Variants in ENOX1 observed in about 807,000 individuals in gnomAD.
ENOX1 encodes candidate growth-related and time keeping constitutive hydroquinone (NADH) oxidase.
Under a neutral mutation model 82.5 loss-of-function variants are expected in ENOX1, and 42 were observed. That is an observed-to-expected ratio of 0.51 (90% confidence interval 0.40 to 0.66). The LOEUF is 0.66. Among genes scored for constraint, ENOX1 ranks in the 30% least tolerant of loss-of-function variants. The pLI, the probability that ENOX1 is intolerant of heterozygous loss-of-function variation, is 0.00. For missense variants in ENOX1, 608 were observed against 811.6 expected, an observed-to-expected ratio of 0.75 and a Z score of 3.05; for synonymous variants, 271 against 282.2, an observed-to-expected ratio of 0.96 and a Z score of 0.40.
intron 1 of ENOX1, among the ~76,000 whole-genome samples, chr13:43,687,215 A>C (rs1322090305): frequency 1.3e-5 from 2 of 152,246 alleles, no homozygotes; most frequent in Admixed American, 6.5e-5. Context: ...CACATTTAAC[A>C]AATATTTGCT....
intron 2 of ENOX1, among the ~76,000 whole-genome samples, chr13:43,537,324 T>C (rs1186987676): frequency 6.6e-6 from 1 of 152,130 alleles, no homozygotes; most frequent in African/African-American, 2.4e-5. Context: ...GCACAGCAAC[T>C]GGAAACCTTC....
At chr13:43,224,181 T>C in intron 15 of ENOX1, 43 bp from the exon 16 acceptor site, 5 of 1,476,122 alleles carry the variant, frequency 3.4e-6, no homozygotes, top group Non-Finnish European at 4.7e-6. Context: ...CAAAGGCATA[T>C]GAGAGTCTCT....
rs574370653 is a variant in ENOX1, at chr13:43,475,618, C to T, written c.-75+8391G>A. Among the ~76,000 whole-genome samples the T allele has an allele frequency of 2.0e-5, 3 of 151,958 alleles. No homozygotes were observed. In the South Asian group the frequency reaches 6.2e-4, roughly 32 times the overall value. ...TGAGAAGTGGTGAGATCATTTACAGCCTAATAATTTCCAGATATGGAAGGG... is the reference window on the plus strand; with the variant it reads ...TGAGAAGTGGTGAGATCATTTACAGTCTAATAATTTCCAGATATGGAAGGG... On this transcript the variant is annotated intron_variant, in intron 3 of 16. Coordinates refer to ENST00000690772, the MANE Select transcript of ENOX1 (RefSeq NM_001347969.2).
At chr13:43,722,542 T>C (rs2088649483) in intron 1 of ENOX1, among the ~76,000 whole-genome samples, 1 of 152,184 alleles carries the variant, frequency 6.6e-6, no homozygotes, top group Non-Finnish European at 1.5e-5. Context: ...TTAAGAAACA[T>C]GTAACATCAG....
At chr13:43,728,116 C>A (rs1594593491) in intron 1 of ENOX1, among the ~76,000 whole-genome samples, 1 of 152,116 alleles carries the variant, frequency 6.6e-6, no homozygotes, top group African/African-American at 2.4e-5. Context: ...TTTTATCTTT[C>A]TTTTCCTTCT....
chr13:43,600,723 C>T (rs1458192739), intron 2 of ENOX1, among the ~76,000 whole-genome samples: 1 of 152,090 alleles, frequency 6.6e-6, no homozygotes, highest in East Asian at 1.9e-4. Context: ...TCGGCAAGAC[C>T]CAGTGCTGTG....
At chr13:43,572,092 A>T (rs2080211250) in intron 2 of ENOX1, among the ~76,000 whole-genome samples, 2 of 152,096 alleles carry the variant, frequency 1.3e-5, no homozygotes, top group African/African-American at 2.4e-5. Context: ...TATAAACAAA[A>T]ATATATATAT....
At chr13:43,647,542 C>A in intron 2 of ENOX1, among the ~76,000 whole-genome samples, 1 of 152,140 alleles carries the variant, frequency 6.6e-6, no homozygotes, top group East Asian at 1.9e-4. Context: ...TGACAAGTTC[C>A]ACAAATATTT....
At chr13:43,293,964 CACTT>C (rs1320686353) in intron 12 of ENOX1, among the ~76,000 whole-genome samples, 1 of 152,138 alleles carries the variant, frequency 6.6e-6, no homozygotes, top group Non-Finnish European at 1.5e-5. Flanking sequence ...AAATGCTTGT[CACTT>C]AATTTCTAAA....
At chr13:43,267,959 A>T (rs561056021) in intron 13 of ENOX1, among the ~76,000 whole-genome samples, 11 of 152,114 alleles carry the variant, frequency 7.2e-5, no homozygotes, top group African/African-American at 2.6e-4. Flanking sequence ...TCTTTTTTTT[A>T]AAATAATGGA....
At chr13:43,606,517 G>A (rs897172009) in intron 2 of ENOX1, among the ~76,000 whole-genome samples, 3 of 152,108 alleles carry the variant, frequency 2.0e-5, no homozygotes, top group East Asian at 1.9e-4. Flanking sequence ...AAAGGAGGTC[G>A]TTATATTAGG....
At chr13:43,636,505 A>C (rs994773924) in intron 2 of ENOX1, among the ~76,000 whole-genome samples, 1 of 152,030 alleles carries the variant, frequency 6.6e-6, no homozygotes, top group East Asian at 1.9e-4. Flanking sequence ...TCCCTGGAAA[A>C]CTCTGTGGCC....
At chr13:43,346,785 C>G (rs2049408724) in intron 8 of ENOX1, among the ~76,000 whole-genome samples, 1 of 152,218 alleles carries the variant, frequency 6.6e-6, no homozygotes, top group Admixed American at 6.5e-5. Context: ...TCCCTCCACA[C>G]TCTCTACCTC....
At chr13:43,327,651 G>A (rs532498000) in intron 9 of ENOX1, among the ~76,000 whole-genome samples, 2 of 152,258 alleles carry the variant, frequency 1.3e-5, no homozygotes, top group Admixed American at 6.5e-5. Flanking sequence ...TCTTTCATAA[G>A]TGATTCCCAA....
At chr13:43,694,404 C>G (rs1293547453) in intron 1 of ENOX1, among the ~76,000 whole-genome samples, 1 of 152,152 alleles carries the variant, frequency 6.6e-6, no homozygotes, top group Non-Finnish European at 1.5e-5. Flanking sequence ...TCCTCTCCTG[C>G]TGAGTTTATG....
intron 3 of ENOX1, among the ~76,000 whole-genome samples, chr13:43,426,161 G>A (rs2055287214): frequency 6.6e-6 from 1 of 152,118 alleles, no homozygotes. Flanking sequence ...CTCAGTTCAG[G>A]ATCGAATGCC....
At position 43,625,393 on chromosome 13, in the gene ENOX1, G is replaced by A. The variant is rs771222916; in HGVS notation, c.-219+42086C>T. 1.0e-3 allele frequency among the ~76,000 whole-genome samples: 157 copies of A among 151,962 alleles called. 1 individual carries two copies. Among genetic ancestry groups the A allele is most frequent in the Non-Finnish European group, 1.9e-3 (131 of 67,892 alleles). The stretch of plus-strand genomic sequence containing the variant: ...TCTGTTGAATAAGAGTAGTGAGATT[G>A]AATATCCTTGCCTTGTTCTCAATCT... On this transcript the variant is annotated intron_variant, in intron 2 of 16. Transcript: ENST00000690772.
chr13:43,568,058 A>C (rs1016552799), intron 2 of ENOX1, among the ~76,000 whole-genome samples: 1 of 152,214 alleles, frequency 6.6e-6, no homozygotes, highest in Non-Finnish European at 1.5e-5. Flanking sequence ...TGATCTCTAA[A>C]CTTTCAAAGC....
intron 2 of ENOX1, among the ~76,000 whole-genome samples, chr13:43,593,021 A>C (rs1207021291): frequency 1.3e-5 from 2 of 152,240 alleles, no homozygotes; most frequent in Non-Finnish European, 2.9e-5. Flanking sequence ...ATTCAGCAGC[A>C]ACGCTGTGCT....
Sources: gnomAD v4.1 joint callset for allele counts (sites outside exome capture counted in the v4.1 genomes callset) on GRCh38, gnomAD v4.1.1 for gene constraint, MANE v1.5 for transcripts, NCBI Gene and HGNC (gene_info 2026-07-23, HGNC 2026-07-21) for gene names.